ZNF536: variants seen among roughly 807,000 people sequenced by gnomAD.
ZNF536 encodes zinc finger protein 536.
ZNF536 carries 13 observed loss-of-function variants against 84.5 expected under a neutral mutation model. The ratio of observed to expected loss-of-function variants is 0.15; its 90% CI spans 0.10 to 0.24. ZNF536 has a LOEUF of 0.24. Ranked by LOEUF, ZNF536 falls within the 10% of genes least tolerant of loss-of-function variation. ZNF536 has a pLI of 1.00. For missense variants in ZNF536, 1,536 were observed against 1,747.5 expected (o/e 0.88, Z 2.16); for synonymous variants, 811 against 742.5 (o/e 1.09, Z -1.50).
intron 4 of ZNF536, among the ~76,000 whole-genome samples, chr19:30,553,799 G>A (rs934132559): frequency 2.0e-5 from 3 of 152,134 alleles, no homozygotes; most frequent in African/African-American, 7.2e-5. Context: ...CATTGCACTC[G>A]AGCCTGGGTG....
chr19:30,634,533 C>T (rs970406794), intron 1 of ZNF536, among the ~76,000 whole-genome samples: 3 of 152,140 alleles, frequency 2.0e-5, no homozygotes, highest in Non-Finnish European at 4.4e-5. Context: ...CCAGGGTCCA[C>T]CATACCCCTG....
chr19:30,560,909 C>T (rs964824597), downstream of ZNF536, among the ~76,000 whole-genome samples: 16 of 152,202 alleles, frequency 1.1e-4, no homozygotes, highest in Non-Finnish European at 2.2e-4. Context: ...GCCTCTGGAG[C>T]AAGGGATGCG....
At chr19:30,390,035 C>T (rs2049513263) in intron 1 of ZNF536, among the ~76,000 whole-genome samples, 1 of 152,154 alleles carries the variant, frequency 6.6e-6, no homozygotes, top group South Asian at 2.1e-4. Flanking sequence ...GGTAGATATT[C>T]AATGGGGGAC....
intron 1 of ZNF536, among the ~76,000 whole-genome samples, chr19:30,588,611 G>C (rs940324824): frequency 2.6e-5 from 4 of 152,138 alleles, no homozygotes; most frequent in Admixed American, 2.6e-4. Context: ...GAAAGTATCA[G>C]TTTGGTGCTG....
rs1296846749 is a variant in ZNF536, at chr19:30,564,673, C to A, written c.169+15159C>A. Among the ~76,000 whole-genome samples the A allele has an allele frequency of 2.6e-5, 4 of 152,176 alleles. No homozygotes were observed. The East Asian group carries it at 7.7e-4, about 29-fold the overall frequency. On this transcript the variant is annotated intron_variant, in intron 1 of 1. Coordinates refer to the ZNF536 transcript ENST00000592773. ...CCAGCAGTGCCTCCTCCCGCTTGCT[C>A]CACTCCCACCGCCAGTTTCAGGAGG...
At chr19:30,237,256 T>G (rs2023599824) in intron 1 of ZNF536, among the ~76,000 whole-genome samples, 1 of 152,192 alleles carries the variant, frequency 6.6e-6, no homozygotes, top group African/African-American at 2.4e-5. Context: ...TGTTCATTGA[T>G]CTGAAGAATG....
chr19:30,701,558 AACAC>A lies in ZNF536; in HGVS notation c.170-9191_170-9188del, dbSNP rs200409028. On this transcript the variant is annotated intron_variant, in intron 1 of 1. Transcript: ENST00000592773. The stretch of plus-strand genomic sequence containing the variant: ...ACACAGACACACAAACACACACACA[AACAC>A]ACACACATACACATGGTACACACCC... 6.0e-3 allele frequency among the ~76,000 whole-genome samples: 883 copies of A among 148,358 alleles called. 10 individuals carry two copies. Among genetic ancestry groups the A allele is most frequent in the African/African-American group, 0.021 (845 of 40,600 alleles).
intron 1 of ZNF536, among the ~76,000 whole-genome samples, chr19:30,602,012 A>G (rs960490215): frequency 6.6e-6 from 1 of 152,252 alleles, no homozygotes; most frequent in Non-Finnish European, 1.5e-5. Flanking sequence ...CTCATTCCCA[A>G]CTTGCCTCCA....
At chr19:30,567,067 TC>T (rs1443559607) in intron 1 of ZNF536, among the ~76,000 whole-genome samples, 1 of 151,988 alleles carries the variant, frequency 6.6e-6, no homozygotes, top group Non-Finnish European at 1.5e-5. Context: ...GCAGTGGAGG[TC>T]CCTGGGAGTG....
At chr19:30,346,200 C>T (rs986703852) in intron 2 of ZNF536, among the ~76,000 whole-genome samples, 1 of 152,120 alleles carries the variant, frequency 6.6e-6, no homozygotes, top group Admixed American at 6.5e-5. Context: ...GGTTCTTCTC[C>T]GCAGCTATGG....
chr19:30,345,180 G>A (rs1294245186), intron 2 of ZNF536, among the ~76,000 whole-genome samples: 3 of 152,226 alleles, frequency 2.0e-5, no homozygotes, highest in Admixed American at 6.5e-5. Context: ...AACTGGGGCC[G>A]GAGAGGTTGT....
rs546080317 is a variant in ZNF536, at chr19:30,567,982, A to G, written c.169+18468A>G. Among the ~76,000 whole-genome samples, 4 of 152,354 alleles carry G rather than the reference A, an allele frequency of 2.6e-5. 1 individual carries two copies. The South Asian group carries it at 8.3e-4, about 32-fold the overall frequency. On this transcript the variant is annotated intron_variant, in intron 1 of 1. Transcript: ENST00000592773. ...GTTTAAATTACAAACCAGTAATAAA[A>G]GGATCATATGTGTTTCCCACAGAAC...
At position 30,302,930 on chromosome 19, in the gene ZNF536, C is replaced by T. The variant is rs533332894; in HGVS notation, c.-120+18789C>T. 1.9e-3 allele frequency among the ~76,000 whole-genome samples: 285 copies of T among 152,282 alleles called. 1 individual carries two copies. The highest frequency in any genetic ancestry group is 6.8e-3 in the Middle Eastern group (2 of 294). ...TTACGTCCTTCATCCCTTTTTACCC[C>T]CTGCTGAACTATAAACTCTCTGGTG... On this transcript the variant is annotated intron_variant, in intron 2 of 5. Coordinates refer to the ZNF536 transcript ENST00000585628.
chr19:30,485,830 G>C (rs2054283177), intron 2 of ZNF536, among the ~76,000 whole-genome samples: 1 of 151,890 alleles, frequency 6.6e-6, no homozygotes, highest in African/African-American at 2.4e-5. Context: ...CATTTTCTCA[G>C]GTTTTTTTCT....
At chr19:30,418,037 C>T (rs2050805566) in intron 1 of ZNF536, among the ~76,000 whole-genome samples, 1 of 152,126 alleles carries the variant, frequency 6.6e-6, no homozygotes, top group Admixed American at 6.5e-5. Context: ...GTGTGAGCCA[C>T]CATGCCTGGC....
At chr19:30,499,798 C>G (rs73022871) in intron 2 of ZNF536, among the ~76,000 whole-genome samples, 14,771 of 152,256 alleles carry the variant, frequency 0.097, 979 homozygotes, top group Non-Finnish European at 0.15. Context: ...ACTCATATTC[C>G]TCTTAGCCTT....
intron 2 of ZNF536, among the ~76,000 whole-genome samples, chr19:30,477,691 A>T (rs1199436019): frequency 6.6e-6 from 1 of 152,202 alleles, no homozygotes; most frequent in African/African-American, 2.4e-5. Flanking sequence ...AATCTCCTCC[A>T]CTGTGCTTTG....
chr19:30,567,031 G>A (rs1056080780), intron 1 of ZNF536, among the ~76,000 whole-genome samples: 3 of 151,910 alleles, frequency 2.0e-5, no homozygotes, highest in Non-Finnish European at 4.4e-5. Flanking sequence ...CCGGGTAGTG[G>A]CGGTTCCTGG....
intron 1 of ZNF536, among the ~76,000 whole-genome samples, chr19:30,383,744 TCTTTC>T (rs1479019848): frequency 4.2e-4 from 1 of 2,398 alleles, no homozygotes; most frequent in Non-Finnish European, 2.0e-3. Flanking sequence ...TCTTTCTTTC[TCTTTC>T]TTTCTTTCTC....
Sources: allele counts gnomAD v4.1 joint callset (sites outside exome capture counted in the v4.1 genomes callset), GRCh38; gene constraint gnomAD v4.1.1; transcripts MANE v1.5; gene names NCBI Gene and HGNC (gene_info 2026-07-23, HGNC 2026-07-21).